The following DIS3L variants were observed in gnomAD, a reference collection of about 807,000 sequenced individuals.
DIS3L encodes DIS3 like exosome 3'-5' exoribonuclease.
DIS3L carries 100 observed loss-of-function variants against 120.3 expected under a neutral mutation model. That is an observed-to-expected ratio of 0.83 (90% CI 0.71 to 0.98). DIS3L has a LOEUF of 0.98. Among genes scored for constraint, DIS3L ranks in the 50% least tolerant of loss-of-function variants. DIS3L has a pLI of 0.00. For synonymous variants in DIS3L, 426 were observed against 470.6 expected, an observed-to-expected ratio of 0.91 and a Z score of 1.23; for missense variants, 1,196 against 1,314.2, an observed-to-expected ratio of 0.91 and a Z score of 1.39.
intron 4 of DIS3L, among the ~76,000 whole-genome samples, chr15:66,310,935 C>T (rs2092753402): frequency 6.7e-6 from 1 of 149,970 alleles, no homozygotes; most frequent in African/African-American, 2.5e-5. Context: ...GTCAAGGCTA[C>T]AGTGAGCCAA....
rs371442461 is a variant in DIS3L at position 66,311,903 on chromosome 15, G to A, written c.735+3G>A. On this transcript the variant is annotated splice_donor_region_variant and intron_variant, in intron 5 of 16. Coordinates refer to ENST00000319212, the MANE Select transcript of DIS3L (RefSeq NM_001143688.3). ...TTAAATCTGGACGCTATATCCAGGT[G>A]AGGGTGGTAATTTAGAATGTGTCAG... The A allele has an allele frequency of 1.1e-4, 180 of 1,613,540 alleles. No homozygotes were observed. The highest frequency in any genetic ancestry group is 1.4e-4 in the Non-Finnish European group (169 of 1,179,660).
At chr15:66,326,802 G>T (rs894747145) in intron 12 of DIS3L, among the ~76,000 whole-genome samples, 3 of 150,826 alleles carry the variant, frequency 2.0e-5, no homozygotes, top group Non-Finnish European at 4.4e-5. Flanking sequence ...GGCTGGTCTT[G>T]AACTCCTGAC....
intron 8 of DIS3L, among the ~76,000 whole-genome samples, chr15:66,319,128 G>A (rs2092853247): frequency 6.6e-6 from 1 of 151,982 alleles, no homozygotes; most frequent in East Asian, 1.9e-4. Context: ...TGTAGAGATG[G>A]GGTCTCACTT....
At position 66,333,387 on chromosome 15, in the gene DIS3L, T is replaced by C; in HGVS notation, c.*75T>C. 8.5e-7 allele frequency: 1 copy of C among 1,176,958 alleles called. No homozygotes were observed. Among genetic ancestry groups the C allele is most frequent in the South Asian group, 1.7e-5 (1 of 59,758 alleles). 72.9% of individuals were successfully genotyped at this position (1,176,958 alleles called of 1,614,324 possible). A position where few individuals can be genotyped will look rare whatever the true frequency, so the allele number is the denominator to read the frequency against. On this transcript the variant is annotated 3_prime_UTR_variant, in exon 17 of 17. Coordinates refer to ENST00000319212, the MANE Select transcript of DIS3L (RefSeq NM_001143688.3). ...TTTCAAACTTAACATTTAATGTGTG[T>C]CACTCAGTGCTCTAGTCGATCAGGA...
chr15:66,331,216 A>C (rs536959353), intron 14 of DIS3L, among the ~76,000 whole-genome samples: 2 of 152,054 alleles, frequency 1.3e-5, no homozygotes, highest in Non-Finnish European at 2.9e-5. Flanking sequence ...CAGTAGTGCT[A>C]ATTTAGACTT....
intron 14 of DIS3L, chr15:66,330,295 T>C: frequency 1.3e-6 from 1 of 776,252 alleles, no homozygotes; most frequent in Non-Finnish European, 1.6e-6. Flanking sequence ...AAACTCCGTC[T>C]AAAAAAAAAA....
chr15:66,298,688 A>G (rs1292952529), intron 2 of DIS3L, among the ~76,000 whole-genome samples: 1 of 152,246 alleles, frequency 6.6e-6, no homozygotes, highest in Non-Finnish European at 1.5e-5. Flanking sequence ...TAAGTCGTTC[A>G]GGATAATCAC....
At chr15:66,328,561 C>T (rs1429787258) in intron 12 of DIS3L, among the ~76,000 whole-genome samples, 1 of 152,074 alleles carries the variant, frequency 6.6e-6, no homozygotes, top group Non-Finnish European at 1.5e-5. Context: ...AAATAGAATG[C>T]TTACTACCTC....
rs528922756 is a variant in DIS3L at position 66,308,680 on chromosome 15, G to A, written c.423-29G>A. On this transcript the variant is annotated intron_variant, in intron 3 of 16. Coordinates refer to ENST00000319212, the MANE Select transcript of DIS3L (RefSeq NM_001143688.3). ...AAGAGCTTGTGTTTGTCTGCCTGGG[G>A]AGAGCTCATGTGCCCTTTGCTTTTC... 5.0e-6 allele frequency: 8 copies of A among 1,596,068 alleles called. No individual in the cohort carries two copies. In the South Asian group the frequency reaches 7.8e-5, roughly 16 times the overall value.
Position 66,311,810 on chromosome 15 carries a change from TGAGAGTCA to T in DIS3L, c.647_654del (p.Glu216GlyfsTer21). ...TTCAGTCTCGACGGGAGAGAGAGAA[TGAGAGTCA>T]GGAGAGCCATGGGAAGGAGTACCCA... On this transcript the variant is annotated frameshift_variant, in exon 5 of 17. Coordinates refer to ENST00000319212, the MANE Select transcript of DIS3L (RefSeq NM_001143688.3). LOFTEE classifies it high-confidence loss of function. 6.2e-7 allele frequency: 1 copy of T among 1,613,950 alleles called. No individual in the cohort carries two copies. The highest frequency in any genetic ancestry group is 1.3e-5 in the African/African-American group (1 of 74,960).
Position 66,293,579 on chromosome 15 carries a change from G to A in DIS3L, c.-18G>A, listed in dbSNP as rs1195372992. On this transcript the variant is annotated 5_prime_UTR_variant, in exon 1 of 17. Coordinates refer to ENST00000319212, the MANE Select transcript of DIS3L (RefSeq NM_001143688.3). ...CCGCCGCGCCCGCCACTCCGCGGCC[G>A]CCGGGAGACACGCCGCCATGCTGCA... 8.4e-6 allele frequency: 12 copies of A among 1,422,358 alleles called. No individual in the cohort carries two copies. Among genetic ancestry groups the A allele is most frequent in the Non-Finnish European group, 1.1e-5 (12 of 1,087,344 alleles). 88.1% of individuals were successfully genotyped at this position (1,422,358 alleles called of 1,614,324 possible).
chr15:66,331,169 G>C (rs2140418972), intron 14 of DIS3L, among the ~76,000 whole-genome samples: 1 of 151,794 alleles, frequency 6.6e-6, no homozygotes, highest in East Asian at 1.9e-4. Context: ...AGAAGACAAA[G>C]AAACTTTAAT....
chr15:66,295,404 T>C (rs1428211925), intron 2 of DIS3L, among the ~76,000 whole-genome samples: 3 of 152,236 alleles, frequency 2.0e-5, no homozygotes, highest in Admixed American at 6.5e-5. Flanking sequence ...GTGTGAATTG[T>C]CTTTTGGCTT....
chr15:66,295,977 T>C (rs1187099069), intron 2 of DIS3L, among the ~76,000 whole-genome samples: 1 of 152,226 alleles, frequency 6.6e-6, no homozygotes, highest in African/African-American at 2.4e-5. Flanking sequence ...TGGCAAAAAA[T>C]TGTCCTCTTA....
intron 5 of DIS3L, among the ~76,000 whole-genome samples, chr15:66,312,275 T>C (rs1389789366): frequency 1.3e-5 from 2 of 151,376 alleles, no homozygotes; most frequent in African/African-American, 4.8e-5. Context: ...TTTTACTGCA[T>C]CCTGTCACAG....
In DIS3L at chr15:66,320,577, A is replaced by G. The variant is rs2092872002; in HGVS notation, c.1171A>G (p.Arg391Gly). The change falls in exon 9 of 17, where the codon AGG (arginine) becomes GGG (glycine). Residue 391 changes from arginine (R) to glycine (G), a missense_variant. Coordinates refer to ENST00000319212, the MANE Select transcript of DIS3L (RefSeq NM_001143688.3). ...TQQAETLQDF[R>G]VVVRIDSWES... ...ATTTTTTCCTTTTGTGCAGGACTTCAGGGTGGTCGTGCGCATCGATTCCTG... is the reference window on the plus strand; with the variant it reads ...ATTTTTTCCTTTTGTGCAGGACTTCGGGGTGGTCGTGCGCATCGATTCCTG... The G allele has an allele frequency of 1.9e-6, 3 of 1,612,330 alleles. No individual in the cohort carries two copies. Among genetic ancestry groups the G allele is most frequent in the Admixed American group, 1.7e-5 (1 of 59,596 alleles).
upstream of DIS3L, chr15:66,293,549 T>C: frequency 5.1e-6 from 7 of 1,371,336 alleles, no homozygotes; most frequent in Non-Finnish European, 6.6e-6. Flanking sequence ...GCCGCGGCCT[T>C]GCCTCCGCCG....
rs1293252109 is a variant in DIS3L, at chr15:66,333,726, C to T, written c.*414C>T. ...CCTGGGCAACAGAGCGAGACTCCAT[C>T]TCAAAAAAAAAAAAAAAAAAAAAAA... On this transcript the variant is annotated 3_prime_UTR_variant, in exon 17 of 17. Transcript: ENST00000319212. The T allele has an allele frequency of 1.3e-5, 1 of 79,820 alleles. No homozygotes were observed. Among genetic ancestry groups the T allele is most frequent in the African/African-American group, 5.1e-5 (1 of 19,444 alleles). 4.9% of individuals were successfully genotyped at this position (79,820 alleles called of 1,614,324 possible).
intron 15 of DIS3L, among the ~76,000 whole-genome samples, chr15:66,332,485 A>AGTGTGTGTGTGT (rs778480622): frequency 4.9e-3 from 538 of 109,722 alleles, no homozygotes; most frequent in Middle Eastern, 0.011. Context: ...TGAAGACTGG[A>AGTGTGTGTGTGT]GTGTGTGTGT....
Sources: gnomAD v4.1 joint callset for allele counts (sites outside exome capture counted in the v4.1 genomes callset) on GRCh38, gnomAD v4.1.1 for gene constraint, MANE v1.5 for transcripts, NCBI Gene and HGNC (gene_info 2026-07-23, HGNC 2026-07-21) for gene names.